Variants in IPMK observed in about 807,000 individuals in gnomAD.
The protein encoded by IPMK is inositol polyphosphate multikinase, also known as inositol 1,3,4,6-tetrakisphosphate 5-kinase.
Under a neutral mutation model 45.8 loss-of-function variants are expected in IPMK, and 17 were observed. The observed-to-expected ratio is 0.37, with a 90% CI of 0.25 to 0.56. The LOEUF (loss-of-function observed/expected upper bound fraction) is 0.56. Ranked by LOEUF, IPMK falls within the 20% of genes least tolerant of loss-of-function variation. The pLI, the probability that IPMK is intolerant of heterozygous loss-of-function variation, is 0.79. For synonymous variants in IPMK, 180 were observed against 184.3 expected, an observed-to-expected ratio of 0.98 and a Z score of 0.19; for missense variants, 399 against 498.0, an observed-to-expected ratio of 0.80 and a Z score of 1.89.
chr10:58,199,831 A>T (rs986638379), intron 4 of IPMK, among the ~76,000 whole-genome samples: 1 of 152,200 alleles, frequency 6.6e-6, no homozygotes, highest in African/African-American at 2.4e-5. Flanking sequence ...ACAAATACAA[A>T]TAATAAAATA....
At chr10:58,254,580 T>C (rs933879493) in intron 1 of IPMK, among the ~76,000 whole-genome samples, 2 of 152,272 alleles carry the variant, frequency 1.3e-5, no homozygotes, top group Admixed American at 6.5e-5. Context: ...TGGTTTCTTT[T>C]AGTAGTACCA....
chr10:58,234,068 G>A (rs1045688809), intron 2 of IPMK, among the ~76,000 whole-genome samples: 59 of 152,202 alleles, frequency 3.9e-4, no homozygotes, highest in African/African-American at 1.4e-3. Flanking sequence ...ATTCACAATT[G>A]CTACAAAGAG....
rs1295467874 is a variant in IPMK, at chr10:58,193,362, G to C, written c.*2714C>G. Reference sequence around the variant, plus strand: ...AGGAAAAGTAAGTACAATCTTTCCAGACACACAACTAATAATGAATACTGA... The same window carrying C: ...AGGAAAAGTAAGTACAATCTTTCCACACACACAACTAATAATGAATACTGA... On this transcript the variant is annotated 3_prime_UTR_variant, in exon 6 of 6. Coordinates refer to ENST00000373935, the MANE Select transcript of IPMK (RefSeq NM_152230.5). The C allele has an allele frequency of 6.6e-6, 1 of 151,810 alleles. No homozygotes were observed. The highest frequency in any genetic ancestry group is 1.9e-4 in the East Asian group (1 of 5,188). The allele number at this position is 151,810 out of a possible 1,614,324, so 9.4% of individuals were successfully genotyped here.
intron 2 of IPMK, among the ~76,000 whole-genome samples, chr10:58,235,546 C>T (rs1441537721): frequency 1.3e-5 from 2 of 152,156 alleles, no homozygotes; most frequent in Non-Finnish European, 2.9e-5. Context: ...AACCATCATT[C>T]TCAGCAAACT....
At chr10:58,224,946 A>C (rs2132157908) in intron 3 of IPMK, among the ~76,000 whole-genome samples, 1 of 152,320 alleles carries the variant, frequency 6.6e-6, no homozygotes, top group South Asian at 2.1e-4. Context: ...CAGAAAGATG[A>C]TTCTATGAAG....
At chr10:58,217,668 A>T (rs1428060489) in intron 3 of IPMK, among the ~76,000 whole-genome samples, 1 of 146,194 alleles carries the variant, frequency 6.8e-6, no homozygotes, top group Admixed American at 6.9e-5. Context: ...AGCCTGGGCA[A>T]CAAGAGCAAA....
intron 1 of IPMK, among the ~76,000 whole-genome samples, chr10:58,248,374 TA>T (rs1838833385): frequency 6.6e-6 from 1 of 152,184 alleles, no homozygotes; most frequent in South Asian, 2.1e-4. Flanking sequence ...ATATTAAAAA[TA>T]AATGCACGCT....
At chr10:58,197,743 C>T (rs530593798) in intron 5 of IPMK, among the ~76,000 whole-genome samples, 10 of 148,342 alleles carry the variant, frequency 6.7e-5, no homozygotes, top group African/African-American at 2.0e-4. Context: ...AGTAAAATTA[C>T]TTGTTCGGGC....
chr10:58,225,583 T>C (rs1209701576), intron 3 of IPMK, among the ~76,000 whole-genome samples: 1 of 152,174 alleles, frequency 6.6e-6, no homozygotes. Context: ...GTAATTATGC[T>C]GTATTTGCTA....
chr10:58,238,060 C>A (rs376706274), intron 1 of IPMK, among the ~76,000 whole-genome samples: 1 of 152,124 alleles, frequency 6.6e-6, no homozygotes, highest in Non-Finnish European at 1.5e-5. Context: ...TTGGCACCCT[C>A]GGGCTTTATA....
chr10:58,258,612 C>T (rs1839009809), intron 1 of IPMK, among the ~76,000 whole-genome samples: 1 of 152,046 alleles, frequency 6.6e-6, no homozygotes, highest in Non-Finnish European at 1.5e-5. Flanking sequence ...CAACACCCTC[C>T]TAATTATTAA....
At chr10:58,199,188 T>C (rs1837960451) in intron 5 of IPMK, 52 bp downstream of exon 5, 2 of 1,090,736 alleles carry the variant, frequency 1.8e-6, no homozygotes, top group Non-Finnish European at 2.7e-6. Context: ...GAAATAACTT[T>C]AGAAGTCTTT....
intron 1 of IPMK, among the ~76,000 whole-genome samples, chr10:58,259,517 T>C (rs892844940): frequency 2.0e-5 from 3 of 151,658 alleles, no homozygotes; most frequent in Non-Finnish European, 2.9e-5. Context: ...TTCCTTAACA[T>C]AGAATGCCAA....
At chr10:58,259,208 C>T (rs1839019056) in intron 1 of IPMK, among the ~76,000 whole-genome samples, 1 of 152,038 alleles carries the variant, frequency 6.6e-6, no homozygotes, top group Admixed American at 6.5e-5. Context: ...ACCATTTACC[C>T]CTAAAGGAAC....
chr10:58,196,428 G>T lies in IPMK; in HGVS notation c.899C>A (p.Ser300Tyr). The T allele has an allele frequency of 6.2e-7, 1 of 1,614,076 alleles. No homozygotes were observed. Among genetic ancestry groups the T allele is most frequent in the Non-Finnish European group, 8.5e-7 (1 of 1,180,010 alleles). ...EYNNNFHVLS[S>Y]TANGKIESSV... ...AGACTCTATTTTTCCATTAGCTGTG[G>T]AACTTAACACATGAAAGTTATTATT... Residue 300 changes from serine to tyrosine, a missense_variant, in exon 6 of 6, where the codon TCC (serine) becomes TAC (tyrosine). Ser to Tyr is a moderately radical substitution (Grantham distance 144). Transcript: ENST00000373935.
intron 1 of IPMK, among the ~76,000 whole-genome samples, chr10:58,250,278 G>A (rs1461261477): frequency 6.6e-6 from 1 of 152,112 alleles, no homozygotes; most frequent in Non-Finnish European, 1.5e-5. Context: ...TGGGTAGTAC[G>A]AACATTTTAA....
intron 2 of IPMK, among the ~76,000 whole-genome samples, chr10:58,234,301 T>C (rs185412842): frequency 3.7e-4 from 56 of 152,254 alleles, no homozygotes; most frequent in African/African-American, 1.2e-3. Flanking sequence ...CTTCACAGAA[T>C]TGGAAAAAAC....
intron 2 of IPMK, among the ~76,000 whole-genome samples, chr10:58,233,430 A>G (rs1838557648): frequency 6.6e-6 from 1 of 152,222 alleles, no homozygotes; most frequent in Non-Finnish European, 1.5e-5. Context: ...TCAATAAAAT[A>G]CTGGCAAACC....
intron 3 of IPMK, among the ~76,000 whole-genome samples, chr10:58,226,685 G>C (rs1309756677): frequency 1.3e-5 from 2 of 152,068 alleles, no homozygotes; most frequent in African/African-American, 4.8e-5. Flanking sequence ...TAAGAGACTG[G>C]GAGGAAGTCA....
Sources: gnomAD v4.1 joint callset for allele counts (sites outside exome capture counted in the v4.1 genomes callset) on GRCh38, gnomAD v4.1.1 for gene constraint, MANE v1.5 for transcripts, NCBI Gene and HGNC (gene_info 2026-07-23, HGNC 2026-07-21) for gene names.